Variants in FCRL3 observed in about 807,000 individuals in gnomAD.
FCRL3 encodes the protein Fc receptor like 3, also known as Fc receptor-like protein 3.
Under a neutral mutation model 75.0 loss-of-function variants are expected in FCRL3, and 89 were observed. That is an observed-to-expected ratio of 1.19 (90% CI 1.00 to 1.42). The LOEUF (loss-of-function observed/expected upper bound fraction) is 1.42, where lower values mean the gene tolerates loss of function less well. FCRL3 is among the 40% of genes most tolerant of loss of function. The probability of loss-of-function intolerance (pLI) is 0.00; values close to 1 mark genes in which losing one functional copy is unlikely to be tolerated. For synonymous variants in FCRL3, 376 were observed against 348.5 expected, an observed-to-expected ratio of 1.08 and a Z score of -0.88; for missense variants, 946 against 880.0, an observed-to-expected ratio of 1.07 and a Z score of -0.95.
At position 157,681,100 on chromosome 1, in the gene FCRL3, C is replaced by G; in HGVS notation, c.1839-1G>C. 1 of 1,546,598 alleles carries G rather than the reference C, an allele frequency of 6.5e-7. No individual in the cohort carries two copies. ...CTCCTGACACTCACTAGGACTGTGA[C>G]TGTGACAGAGGGGGAGAGAATGGAT... On this transcript the variant is annotated splice_acceptor_variant, in intron 11 of 14. Coordinates refer to ENST00000368184, the MANE Select transcript of FCRL3 (RefSeq NM_052939.4). LOFTEE classifies it high-confidence loss of function.
chr1:157,682,088 T>G (rs1038118987), intron 11 of FCRL3, among the ~76,000 whole-genome samples: 2 of 152,042 alleles, frequency 1.3e-5, no homozygotes, highest in African/African-American at 4.8e-5. Flanking sequence ...TTTGATGGGG[T>G]TGTTTGTTTT....
chr1:157,682,151 T>A (rs1654893677), intron 11 of FCRL3, among the ~76,000 whole-genome samples: 2 of 152,354 alleles, frequency 1.3e-5, no homozygotes, highest in African/African-American at 4.8e-5. Context: ...TAGCCGTTTG[T>A]CAGATGAGTA....
At chr1:157,693,736 C>CTT (rs1365440390) in intron 8 of FCRL3, among the ~76,000 whole-genome samples, 58 of 138,872 alleles carry the variant, frequency 4.2e-4, no homozygotes, top group Non-Finnish European at 5.2e-4. Context: ...TTCTCTCTCT[C>CTT]TCTCTCTCTT....
At chr1:157,696,558 T>C in intron 6 of FCRL3, 1 of 545,740 alleles carries the variant, frequency 1.8e-6, no homozygotes, top group Non-Finnish European at 3.3e-6. Context: ...ATAATCTCCA[T>C]AAATCCAATG....
chr1:157,697,442 C>G lies in FCRL3; in HGVS notation c.560-18G>C. The G allele has an allele frequency of 6.5e-7, 1 of 1,528,034 alleles. No individual in the cohort carries two copies. Among genetic ancestry groups the G allele is most frequent in the Admixed American group, 2.2e-5 (1 of 45,056 alleles). 94.7% of individuals were successfully genotyped at this position (1,528,034 alleles called of 1,614,324 possible). On this transcript the variant is annotated intron_variant, in intron 5 of 14. Transcript: ENST00000368184. ...AAACAGCTCTAATGAAAAGAAACAA[C>G]ATAGTCTCCAGGGTGGTGAGGCTCA...
rs1655430226 is a variant in FCRL3, at chr1:157,690,258, T to C, written c.1687A>G (p.Thr563Ala). ...AGCCCAGGTACTATTAACACACCTG[T>C]AACATTGAGTGTCACCACTTTACTG... ...QHSKVVTLNVTGTSRNRTGLT... is the reference protein window; with the variant it reads ...QHSKVVTLNVAGTSRNRTGLT... Residue 563 changes from threonine to alanine, a missense_variant, in exon 9 of 15, where the codon ACA becomes GCA. Transcript: ENST00000368184. 13 of 1,614,158 alleles carry C rather than the reference T, an allele frequency of 8.1e-6. No individual in the cohort carries two copies. Among genetic ancestry groups the C allele is most frequent in the Non-Finnish European group, 1.1e-5 (13 of 1,179,978 alleles).
Position 157,697,705 on chromosome 1 carries a change from T to C in FCRL3, c.513A>G (p.Ile171Met), listed in dbSNP as rs1344139802. 2.5e-6 allele frequency: 4 copies of C among 1,613,964 alleles called. No individual in the cohort carries two copies. The highest frequency in any genetic ancestry group is 3.4e-6 in the Non-Finnish European group (4 of 1,179,892). The change falls in exon 5 of 15, where the codon ATA becomes ATG. Residue 171 changes from isoleucine to methionine, a missense_variant. By Grantham distance (10) the Ile-to-Met change is conservative. Transcript: ENST00000368184. ...YHCTAYRKFY[I>M]LDIEVTSKPL... is the part of the protein sequence containing the mutation. ...GTTTTGAAGTTACTTCAATGTCAAGTATGTAAAACTTCCTATAAGCAGTAC... is the reference window on the plus strand; with the variant it reads ...GTTTTGAAGTTACTTCAATGTCAAGCATGTAAAACTTCCTATAAGCAGTAC...
intron 10 of FCRL3, among the ~76,000 whole-genome samples, chr1:157,685,122 G>A (rs1655094714): frequency 6.6e-6 from 1 of 151,750 alleles, no homozygotes; most frequent in Non-Finnish European, 1.5e-5. Flanking sequence ...TTTCTCTCCT[G>A]GTGCTGTGCT....
intron 8 of FCRL3, among the ~76,000 whole-genome samples, chr1:157,694,799 C>T (rs898250453): frequency 6.6e-6 from 1 of 152,130 alleles, no homozygotes; most frequent in African/African-American, 2.4e-5. Context: ...TTAGATAGGT[C>T]ACTAGAATCT....
At chr1:157,696,853 G>T (rs1655940871) in intron 6 of FCRL3, 1 of 279,486 alleles carries the variant, frequency 3.6e-6, no homozygotes, top group East Asian at 6.6e-5. Context: ...CATGTGTTCA[G>T]TTGTGCTTCT....
chr1:157,690,467 A>AG lies in FCRL3; in HGVS notation c.1477dup (p.Leu493ProfsTer6), dbSNP rs1655449750. On this transcript the variant is annotated frameshift_variant, in exon 9 of 15. Coordinates refer to ENST00000368184, the MANE Select transcript of FCRL3 (RefSeq NM_052939.4). LOFTEE classifies it high-confidence loss of function. ...TCTCAGGGACTCACAGTGAAGCTCC[A>AG]GCAGGTCCCCCACCACAGCCTGGGC... 6.2e-7 allele frequency: 1 copy of AG among 1,614,232 alleles called. No homozygotes were observed. Among genetic ancestry groups the AG allele is most frequent in the Non-Finnish European group, 8.5e-7 (1 of 1,180,022 alleles).
rs756609198 is a variant in FCRL3, at chr1:157,698,595, A to G, written c.87T>C (p.Pro29=). 1.1e-5 allele frequency: 17 copies of G among 1,613,858 alleles called. No individual in the cohort carries two copies. Among genetic ancestry groups the G allele is most frequent in the African/African-American group, 1.3e-5 (1 of 74,922 alleles). The part of the protein sequence containing the change: ...VAPKAVLLLN[P]PWSTAFKGEK... Reference sequence around the variant, plus strand: ...CTCCTTTGAAGGCTGTGGACCATGGAGGATTGAGGAGAAGTACAGCTTTTG... The same window carrying G: ...CTCCTTTGAAGGCTGTGGACCATGGGGGATTGAGGAGAAGTACAGCTTTTG... Residue 29 remains proline (P), a synonymous_variant, in exon 4 of 15, where the codon CCT becomes CCC. Coordinates refer to ENST00000368184, the MANE Select transcript of FCRL3 (RefSeq NM_052939.4).
intron 8 of FCRL3, among the ~76,000 whole-genome samples, chr1:157,694,867 A>G (rs1039673023): frequency 1.6e-4 from 24 of 152,270 alleles, no homozygotes; most frequent in African/African-American, 5.8e-4. Flanking sequence ...GAACCCACAG[A>G]AGTGGGTATC....
chr1:157,697,489 T>G (rs1656010156), intron 5 of FCRL3, 65 bp from the exon 6 acceptor site: 17 of 1,495,894 alleles, frequency 1.1e-5, no homozygotes, highest in Non-Finnish European at 1.4e-5. Context: ...GAGATGCATT[T>G]GTCATCTCAG....
At chr1:157,688,987 A>G (rs573304493) in intron 10 of FCRL3, among the ~76,000 whole-genome samples, 189 of 152,304 alleles carry the variant, frequency 1.2e-3, no homozygotes, top group African/African-American at 4.5e-3. Flanking sequence ...TCTCTCAGCA[A>G]ATTAGGAATA....
chr1:157,692,507 A>G (rs1298536196), intron 8 of FCRL3, among the ~76,000 whole-genome samples: 1 of 152,232 alleles, frequency 6.6e-6, no homozygotes, highest in Non-Finnish European at 1.5e-5. Context: ...AAGTGCTGGG[A>G]TTACAGGCAT....
At chr1:157,698,730 T>C (rs1396320718) in intron 3 of FCRL3, 101 bp from the exon 4 acceptor site, 1 of 1,260,296 alleles carries the variant, frequency 7.9e-7, no homozygotes, top group African/African-American at 1.5e-5. Context: ...CCTGGACTAA[T>C]TTCCAGTCAG....
At chr1:157,697,947 G>GTT in intron 4 of FCRL3, 28 bp from the exon 5 acceptor site, 1 of 1,606,074 alleles carries the variant, frequency 6.2e-7, no homozygotes, top group Non-Finnish European at 8.5e-7. Context: ...GCACACTCAG[G>GTT]TTATCCCCTG....
At position 157,677,595 on chromosome 1, in the gene FCRL3, T is replaced by A. The variant is rs2101578750; in HGVS notation, c.*1115A>T. The A allele has an allele frequency of 1.0e-6, 1 of 985,390 alleles. No homozygotes were observed. Among genetic ancestry groups the A allele is most frequent in the East Asian group, 1.1e-4 (1 of 8,816 alleles). 61.0% of individuals were successfully genotyped at this position (985,390 alleles called of 1,614,324 possible). ...AACACACTGTGGAAAGAGTTTTTGATGGTGATAGCTAGGAAAACATTAAGC... is the reference window on the plus strand; with the variant it reads ...AACACACTGTGGAAAGAGTTTTTGAAGGTGATAGCTAGGAAAACATTAAGC... On this transcript the variant is annotated 3_prime_UTR_variant, in exon 15 of 15. Transcript: ENST00000368184.
Sources: gnomAD v4.1 joint callset for allele counts (sites outside exome capture counted in the v4.1 genomes callset) on GRCh38, gnomAD v4.1.1 for gene constraint, MANE v1.5 for transcripts, NCBI Gene and HGNC (gene_info 2026-07-23, HGNC 2026-07-21) for gene names.